The following SGCD variants were observed in gnomAD, a reference collection of about 807,000 sequenced individuals.
SGCD encodes the protein delta-sarcoglycan.
A neutral mutation model predicts 36.6 loss-of-function variants in SGCD; 18 were observed. The ratio of observed to expected loss-of-function variants is 0.49; its 90% CI spans 0.34 to 0.73. The LOEUF is 0.73. SGCD is among the 30% of genes least tolerant of loss of function. SGCD has a pLI of 0.01. For synonymous variants in SGCD, 133 were observed against 130.6 expected (o/e 1.02, Z -0.12); for missense variants, 387 against 346.7 (o/e 1.12, Z -0.92).
At chr5:155,913,184 A>G (rs1159136924) in intron 1 of SGCD, among the ~76,000 whole-genome samples, 1 of 152,206 alleles carries the variant, frequency 6.6e-6, no homozygotes, top group Non-Finnish European at 1.5e-5. Context: ...AACAGAAACA[A>G]GGATGGTGAT....
At chr5:156,384,679 C>A (rs567162620) in intron 3 of SGCD, among the ~76,000 whole-genome samples, 4 of 152,178 alleles carry the variant, frequency 2.6e-5, no homozygotes, top group African/African-American at 9.6e-5. Context: ...TTTTTTTCCC[C>A]CATCCACTAT....
rs76460362 is a variant in SGCD at position 156,544,209 on chromosome 5, T to A, written c.294+35507T>A. On this transcript the variant is annotated intron_variant, in intron 4 of 8. Transcript: ENST00000337851. ...CATCATTATTCTTCCTTTCCCTAGT[T>A]GGGAAAATTTTGAATAGCATACGAT... Among the ~76,000 whole-genome samples, 1,879 of 152,290 alleles carry A rather than the reference T, an allele frequency of 0.012. 93 individuals carry two copies. The East Asian group carries it at 0.17, about 14-fold the overall frequency.
intron 3 of SGCD, among the ~76,000 whole-genome samples, chr5:156,490,540 G>C (rs1459642502): frequency 6.6e-6 from 1 of 150,870 alleles, no homozygotes; most frequent in Non-Finnish European, 1.5e-5. Flanking sequence ...GGATTACAAG[G>C]ATGGTTCAAT....
intron 3 of SGCD, among the ~76,000 whole-genome samples, chr5:156,306,675 T>A (rs1394646829): frequency 6.6e-6 from 1 of 152,214 alleles, no homozygotes; most frequent in Non-Finnish European, 1.5e-5. Flanking sequence ...CCTTCTTCAG[T>A]GCCTCCTTTC....
chr5:156,275,226 GA>G (rs1439241204), intron 3 of SGCD, among the ~76,000 whole-genome samples: 2 of 152,060 alleles, frequency 1.3e-5, no homozygotes, highest in Non-Finnish European at 2.9e-5. Context: ...CCTCAGACAG[GA>G]TTCCCTAAAA....
chr5:155,965,759 C>A (rs969059554), intron 1 of SGCD, among the ~76,000 whole-genome samples: 1 of 152,092 alleles, frequency 6.6e-6, no homozygotes, highest in African/African-American at 2.4e-5. Flanking sequence ...CTCCCTATCT[C>A]CTTTACTCAA....
chr5:156,612,558 G>A (rs1380485340), intron 6 of SGCD, among the ~76,000 whole-genome samples: 1 of 152,262 alleles, frequency 6.6e-6, no homozygotes, highest in African/African-American at 2.4e-5. Flanking sequence ...TCAGCCAGCT[G>A]TGTGTCACCT....
chr5:156,537,214 C>G (rs1443395507), intron 4 of SGCD, among the ~76,000 whole-genome samples: 2 of 152,022 alleles, frequency 1.3e-5, no homozygotes, highest in Admixed American at 6.6e-5. Context: ...TCAGATGTCT[C>G]CAGGACAGTG....
At chr5:155,951,020 C>T (rs1757537347) in intron 1 of SGCD, among the ~76,000 whole-genome samples, 1 of 152,092 alleles carries the variant, frequency 6.6e-6, no homozygotes. Flanking sequence ...ATAGGATGGT[C>T]AGGGCCAGGA....
intron 3 of SGCD, among the ~76,000 whole-genome samples, chr5:156,233,077 C>G (rs887792342): frequency 9.9e-5 from 15 of 152,114 alleles, no homozygotes; most frequent in African/African-American, 3.4e-4. Context: ...AATAGGACAC[C>G]AGGGAAAGCT....
intron 4 of SGCD, among the ~76,000 whole-genome samples, chr5:156,535,102 C>G (rs774473167): frequency 1.3e-5 from 2 of 152,202 alleles, no homozygotes; most frequent in Non-Finnish European, 2.9e-5. Context: ...AAAGCCATTT[C>G]CCAAGAGGTT....
chr5:155,820,921 T>C, the SGCD span, among the ~76,000 whole-genome samples: 1 of 152,126 alleles, frequency 6.6e-6, no homozygotes, highest in Non-Finnish European at 1.5e-5. Context: ...CTGTACTTCA[T>C]AGACCACAGA....
intron 4 of SGCD, among the ~76,000 whole-genome samples, chr5:156,588,740 C>G (rs1760595489): frequency 6.6e-6 from 1 of 152,198 alleles, no homozygotes; most frequent in South Asian, 2.1e-4. Context: ...AACATCTCTA[C>G]AAAGGATTCT....
chr5:155,728,067 G>A, the SGCD span, among the ~76,000 whole-genome samples: 2 of 152,104 alleles, frequency 1.3e-5, no homozygotes, highest in African/African-American at 4.8e-5. Flanking sequence ...GGAGCTGGGG[G>A]AGCCTTGCAC....
In SGCD at chr5:156,578,468, G is replaced by A. The variant is rs542528977; in HGVS notation, c.295-10763G>A. On this transcript the variant is annotated intron_variant, in intron 4 of 8. Transcript: ENST00000337851. Reference sequence around the variant, plus strand: ...AGGATTCCCTCTTTTTCTATTGATTGGAATAGTTTCAGAAGGAATGGTACC... The same window carrying A: ...AGGATTCCCTCTTTTTCTATTGATTAGAATAGTTTCAGAAGGAATGGTACC... 1.1e-3 allele frequency among the ~76,000 whole-genome samples: 170 copies of A among 152,240 alleles called. 1 individual carries two copies. Among genetic ancestry groups the A allele is most frequent in the African/African-American group, 4.0e-3 (165 of 41,544 alleles).
intron 6 of SGCD, among the ~76,000 whole-genome samples, chr5:156,635,363 A>G (rs1238822272): frequency 2.0e-5 from 3 of 152,230 alleles, no homozygotes; most frequent in Non-Finnish European, 2.9e-5. Flanking sequence ...TAGAATGGCG[A>G]TCATTAAAAA....
At chr5:156,346,932 G>A (rs550269567) in intron 3 of SGCD, among the ~76,000 whole-genome samples, 1 of 152,004 alleles carries the variant, frequency 6.6e-6, no homozygotes, top group Admixed American at 6.5e-5. Flanking sequence ...CGAGTAGCTG[G>A]GACTACAGGT....
intron 1 of SGCD, among the ~76,000 whole-genome samples, chr5:156,031,895 A>C (rs139780357): frequency 6.6e-6 from 1 of 152,306 alleles, no homozygotes; most frequent in Admixed American, 6.5e-5. Context: ...ATTACTGAAG[A>C]GCTAGGTGCT....
At chr5:156,573,701 A>AT (rs199784775) in intron 4 of SGCD, among the ~76,000 whole-genome samples, 14 of 151,962 alleles carry the variant, frequency 9.2e-5, no homozygotes, top group African/African-American at 3.1e-4. Flanking sequence ...TTTTTTATTA[A>AT]TTTTTTTAGA....
Sources: allele counts gnomAD v4.1 joint callset (sites outside exome capture counted in the v4.1 genomes callset), GRCh38; gene constraint gnomAD v4.1.1; transcripts MANE v1.5; gene names NCBI Gene and HGNC (gene_info 2026-07-23, HGNC 2026-07-21).